The following TENM1 variants were observed in gnomAD, a reference collection of about 807,000 sequenced individuals.
TENM1 encodes the protein teneurin-1.
Under a neutral mutation model 174.8 loss-of-function variants are expected in TENM1, and 35 were observed. The ratio of observed to expected loss-of-function variants is 0.20; its 90% CI spans 0.15 to 0.27. TENM1 has a LOEUF of 0.27. Ranked by LOEUF, TENM1 falls within the 10% of genes least tolerant of loss-of-function variation. The pLI is 1.00. For synonymous variants in TENM1, 781 were observed against 798.7 expected, an observed-to-expected ratio of 0.98 and a Z score of 0.37; for missense variants, 1,633 against 2,130.1, an observed-to-expected ratio of 0.77 and a Z score of 4.59.
the TENM1 span, among the ~76,000 whole-genome samples, chrX:125,172,375 C>T: frequency 9.1e-6 from 1 of 110,462 alleles, no homozygotes; most frequent in South Asian, 3.9e-4. Context: ...AATTGACTTG[C>T]CCAAGGTCCC....
chrX:125,129,882 T>C, the TENM1 span, among the ~76,000 whole-genome samples: 2 of 111,735 alleles, frequency 1.8e-5, no homozygotes, highest in East Asian at 2.8e-4. Context: ...GTCTTGGCTA[T>C]TGTGAATAGT....
At chrX:124,701,826 C>A (rs2052782595) in intron 5 of TENM1, among the ~76,000 whole-genome samples, 1 of 111,949 alleles carries the variant, frequency 8.9e-6, no homozygotes, top group African/African-American at 3.2e-5. Context: ...CCAGCTCTGG[C>A]TTTTCACGTG....
the TENM1 span, among the ~76,000 whole-genome samples, chrX:125,125,227 A>T: frequency 4.5e-5 from 5 of 112,284 alleles, no homozygotes; most frequent in Non-Finnish European, 9.4e-5. Flanking sequence ...CCTGCCAATA[A>T]ATCGACACAT....
At chrX:124,512,473 G>A (rs759580792) in intron 18 of TENM1, among the ~76,000 whole-genome samples, 29 of 111,162 alleles carry the variant, frequency 2.6e-4, no homozygotes, top group African/African-American at 6.9e-4. Flanking sequence ...TCTTTAAGCC[G>A]GATGAACTAG....
chrX:124,650,467 G>A (rs1326908566), intron 8 of TENM1, among the ~76,000 whole-genome samples: 1 of 111,173 alleles, frequency 9.0e-6, no homozygotes, highest in Non-Finnish European at 1.9e-5. Flanking sequence ...TAGGTTCTTT[G>A]GGGGAGGAAG....
intron 11 of TENM1, among the ~76,000 whole-genome samples, chrX:124,619,109 A>T (rs1005581570): frequency 8.9e-6 from 1 of 112,076 alleles, no homozygotes; most frequent in African/African-American, 3.2e-5. Flanking sequence ...AAACAAAATA[A>T]TAAAGATTTA....
the TENM1 span, among the ~76,000 whole-genome samples, chrX:125,062,754 G>GA: frequency 8.9e-5 from 10 of 111,783 alleles, no homozygotes; most frequent in African/African-American, 3.3e-4. Flanking sequence ...CAAGAATATT[G>GA]ACTTAGCTCT....
At chrX:124,706,944 A>T (rs1186579680) in intron 4 of TENM1, among the ~76,000 whole-genome samples, 3 of 104,956 alleles carry the variant, frequency 2.9e-5, no homozygotes, top group Non-Finnish European at 5.8e-5. Flanking sequence ...AAAGTCCTTA[A>T]TCTTTTTTTT....
At chrX:125,115,976 G>A in the TENM1 span, among the ~76,000 whole-genome samples, 82 of 111,153 alleles carry the variant, frequency 7.4e-4, no homozygotes, top group African/African-American at 2.4e-3. Context: ...GAGGCATCAC[G>A]CTACTTGATT....
At chrX:124,837,487 T>C in intron 3 of TENM1, among the ~76,000 whole-genome samples, 1 of 112,505 alleles carries the variant, frequency 8.9e-6, no homozygotes, top group Non-Finnish European at 1.9e-5. Flanking sequence ...GGCAATTATG[T>C]CTAAAGAGGT....
chrX:125,032,232 C>T, the TENM1 span, among the ~76,000 whole-genome samples: 3 of 108,329 alleles, frequency 2.8e-5, no homozygotes, highest in African/African-American at 1.0e-4. Flanking sequence ...TGCAATGGTG[C>T]GACCTCAGCT....
At chrX:125,136,339 A>T in the TENM1 span, among the ~76,000 whole-genome samples, 5 of 111,684 alleles carry the variant, frequency 4.5e-5, no homozygotes, top group Non-Finnish European at 7.5e-5. Flanking sequence ...TATCTTTGTT[A>T]TTAATAGTCT....
chrX:124,507,055 G>A (rs1419484803), intron 18 of TENM1, among the ~76,000 whole-genome samples: 1 of 110,566 alleles, frequency 9.0e-6, no homozygotes, highest in Non-Finnish European at 1.9e-5. Flanking sequence ...CATGGTACAG[G>A]GCACGGATTC....
chrX:124,895,386 CT>C (rs1181264653), intron 2 of TENM1, among the ~76,000 whole-genome samples: 2 of 111,754 alleles, frequency 1.8e-5, no homozygotes, highest in East Asian at 5.6e-4. Flanking sequence ...CAAAATTTTC[CT>C]TTTATAAAAG....
the TENM1 span, among the ~76,000 whole-genome samples, chrX:125,074,844 A>G: frequency 9.0e-6 from 1 of 111,443 alleles, no homozygotes; most frequent in Non-Finnish European, 1.9e-5. Flanking sequence ...CATCTAGGCA[A>G]AGCTATCTGT....
intron 3 of TENM1, among the ~76,000 whole-genome samples, chrX:124,875,186 T>C (rs1304506290): frequency 4.5e-5 from 5 of 111,497 alleles, no homozygotes; most frequent in Non-Finnish European, 9.4e-5. Flanking sequence ...TTCTTTTCTA[T>C]ATTCCTCAAT....
At chrX:124,493,492 T>C (rs1011399843) in intron 20 of TENM1, among the ~76,000 whole-genome samples, 2 of 111,657 alleles carry the variant, frequency 1.8e-5, no homozygotes, top group African/African-American at 3.3e-5. Flanking sequence ...CTATACAGGC[T>C]TTATAGGGTT....
At chrX:124,659,437 T>C (rs1418200037) in intron 6 of TENM1, among the ~76,000 whole-genome samples, 1 of 112,213 alleles carries the variant, frequency 8.9e-6, no homozygotes, top group Non-Finnish European at 1.9e-5. Context: ...GTGAGATTTG[T>C]ATACTGAGAA....
At chrX:124,878,700 C>A (rs753819201) in intron 3 of TENM1, among the ~76,000 whole-genome samples, 1 of 111,559 alleles carries the variant, frequency 9.0e-6, no homozygotes, top group Admixed American at 9.5e-5. Context: ...AACCTCTTTT[C>A]TTTGTAAATT....
Sources: gnomAD v4.1 joint callset for allele counts (sites outside exome capture counted in the v4.1 genomes callset) on GRCh38, gnomAD v4.1.1 for gene constraint, MANE v1.5 for transcripts, NCBI Gene and HGNC (gene_info 2026-07-23, HGNC 2026-07-21) for gene names.